The following UHRF2 variants were observed in gnomAD, a reference collection of about 807,000 sequenced individuals.
UHRF2 encodes ubiquitin like with PHD and ring finger domains 2.
A neutral mutation model predicts 96.8 loss-of-function variants in UHRF2; 23 were observed. That is an observed-to-expected ratio of 0.24 (90% CI 0.17 to 0.34). The LOEUF is 0.34. Ranked by LOEUF, UHRF2 falls within the 10% of genes least tolerant of loss-of-function variation. UHRF2 has a pLI of 1.00. For missense variants in UHRF2, 685 were observed against 981.5 expected (o/e 0.70, Z 4.04); for synonymous variants, 385 against 332.6 (o/e 1.16, Z -1.72).
rs998391240 is a variant in UHRF2 at position 6,446,792 on chromosome 9, C to G, written c.644+12619C>G. Among the ~76,000 whole-genome samples the G allele has an allele frequency of 2.0e-5, 3 of 151,954 alleles. 1 individual carries two copies. The highest frequency in any genetic ancestry group is 4.4e-5 in the Non-Finnish European group (3 of 67,988). On this transcript the variant is annotated intron_variant, in intron 3 of 15. Transcript: ENST00000276893. ...CCCAAGAAGTGGGGATTACAGTGAG[C>G]TGAAATGGCGCCACTGCACTCCAGC...
Position 6,475,483 on chromosome 9 carries a change from C to T in UHRF2, c.956C>T (p.Ala319Val), listed in dbSNP as rs1226844276. ...CCTGGAGCCCATCCCCTTTCATTTG[C>T]AGATGGAAAGTTTTTAAGTATGGAT... ...ERPGAHPLSF[A>V]DGKFLRRNDP... Residue 319 changes from alanine (A) to valine (V), a missense_variant, in exon 5 of 16, where the codon GCA becomes GTA. This residue lies in a region of UHRF2 where 391 missense variants were observed against 437.0 expected (regional missense o/e 0.89). Transcript: ENST00000276893. 7.6e-6 allele frequency: 12 copies of T among 1,588,000 alleles called. No homozygotes were observed. The highest frequency in any genetic ancestry group is 1.7e-5 in the Admixed American group (1 of 57,308).
At chr9:6,428,342 T>G (rs1272894746) in intron 2 of UHRF2, among the ~76,000 whole-genome samples, 2 of 152,054 alleles carry the variant, frequency 1.3e-5, no homozygotes, top group Non-Finnish European at 2.9e-5. Context: ...CTCCTCCTGA[T>G]TATAACTCCC....
chr9:6,494,352 T>G (rs1246835584), intron 10 of UHRF2: 1 of 169,096 alleles, frequency 5.9e-6, no homozygotes, highest in East Asian at 1.7e-4. Flanking sequence ...AAACATAAGG[T>G]AACTTAATCA....
At chr9:6,445,984 T>TGTTG (rs58693786) in intron 3 of UHRF2, among the ~76,000 whole-genome samples, 1 of 127,810 alleles carries the variant, frequency 7.8e-6, no homozygotes, top group Non-Finnish European at 1.6e-5. Flanking sequence ...CGCCACCCTT[T>TGTTG]TTTTTTTTTT....
chr9:6,476,487 C>T (rs1823578622), intron 5 of UHRF2, among the ~76,000 whole-genome samples: 1 of 152,166 alleles, frequency 6.6e-6, no homozygotes, highest in Non-Finnish European at 1.5e-5. Context: ...TAGAATGCAG[C>T]TGTACCTCTT....
chr9:6,431,684 A>G (rs570310902), intron 2 of UHRF2, among the ~76,000 whole-genome samples: 14 of 152,332 alleles, frequency 9.2e-5, no homozygotes, highest in South Asian at 8.3e-4. Flanking sequence ...TGTTCAAGCA[A>G]TGGCAGTATT....
At chr9:6,467,377 G>GT (rs1027591478) in intron 4 of UHRF2, among the ~76,000 whole-genome samples, 1 of 151,966 alleles carries the variant, frequency 6.6e-6, no homozygotes, top group African/African-American at 2.4e-5. Context: ...CCATTTCAAG[G>GT]TTTTTTATAT....
At chr9:6,477,190 C>T (rs1823628821) in intron 5 of UHRF2, among the ~76,000 whole-genome samples, 1 of 149,908 alleles carries the variant, frequency 6.7e-6, no homozygotes, top group South Asian at 2.1e-4. Flanking sequence ...CTAAGATTGG[C>T]ACCATTGCAC....
chr9:6,436,637 T>G (rs1266614227), intron 3 of UHRF2, among the ~76,000 whole-genome samples: 1 of 152,206 alleles, frequency 6.6e-6, no homozygotes, highest in Admixed American at 6.5e-5. Flanking sequence ...GAACTAAGGC[T>G]TATTAAATTT....
intron 4 of UHRF2, chr9:6,468,876 A>T (rs187953936): frequency 5.6e-6 from 2 of 357,120 alleles, no homozygotes; most frequent in East Asian, 1.5e-4. Flanking sequence ...GACTCAGCAT[A>T]GATGCTGATT....
chr9:6,422,664 C>T (rs1445605916), intron 2 of UHRF2: 2 of 649,012 alleles, frequency 3.1e-6, no homozygotes, highest in African/African-American at 1.8e-5. Flanking sequence ...GGCTGTAGTG[C>T]AGTGACGTGA....
intron 12 of UHRF2, 148 bp from the exon 13 acceptor site, chr9:6,499,687 T>G (rs1013032213): frequency 3.8e-4 from 187 of 486,100 alleles, no homozygotes; most frequent in Non-Finnish European, 6.4e-4. Context: ...ATTCTTTTCC[T>G]TTAAATGTCT....
chr9:6,506,396 T>C lies in UHRF2; in HGVS notation c.*217T>C. Reference sequence around the variant, plus strand: ...AGGTAGTTCCTGTAACAACTAGTTTTAATGAGTAAAAAGTCAAAGCCTCAG... The same window carrying C: ...AGGTAGTTCCTGTAACAACTAGTTTCAATGAGTAAAAAGTCAAAGCCTCAG... On this transcript the variant is annotated 3_prime_UTR_variant, in exon 16 of 16. Coordinates refer to ENST00000276893, the MANE Select transcript of UHRF2 (RefSeq NM_152896.3). 1 of 476,244 alleles carries C rather than the reference T, an allele frequency of 2.1e-6. No homozygotes were observed. Among genetic ancestry groups the C allele is most frequent in the Non-Finnish European group, 3.5e-6 (1 of 286,876 alleles). 29.5% of individuals were successfully genotyped at this position (476,244 alleles called of 1,614,324 possible).
At position 6,498,012 on chromosome 9, in the gene UHRF2, A is replaced by G. The variant is rs1361164549; in HGVS notation, c.1768-6A>G. On this transcript the variant is annotated splice_polypyrimidine_tract_variant and splice_region_variant and intron_variant, in intron 11 of 15. Transcript: ENST00000276893. The stretch of plus-strand genomic sequence containing the variant: ...CTCAAACTGGCACTGAAATATTGTG[A>G]TTTAGGTGGTGAAATACTGGCCAGA... 12 of 1,612,008 alleles carry G rather than the reference A, an allele frequency of 7.4e-6. No individual in the cohort carries two copies. The highest frequency in any genetic ancestry group is 1.0e-5 in the Non-Finnish European group (12 of 1,179,806).
At chr9:6,473,199 T>C (rs192516179) in intron 4 of UHRF2, among the ~76,000 whole-genome samples, 549 of 152,294 alleles carry the variant, frequency 3.6e-3, no homozygotes, top group South Asian at 8.3e-3. Context: ...GGGAGTCAAC[T>C]GGAAGCTCCC....
At chr9:6,480,651 T>G (rs1345648352) in intron 6 of UHRF2, among the ~76,000 whole-genome samples, 3 of 152,204 alleles carry the variant, frequency 2.0e-5, no homozygotes, top group Non-Finnish European at 4.4e-5. Context: ...TCACAGAATC[T>G]TTAATACAGT....
intron 8 of UHRF2, among the ~76,000 whole-genome samples, chr9:6,484,184 C>T (rs1824104900): frequency 6.6e-6 from 1 of 151,822 alleles, no homozygotes; most frequent in Non-Finnish European, 1.5e-5. Context: ...GATCATTCCA[C>T]CTAGCTAGGA....
In UHRF2 at chr9:6,413,368, G is replaced by A. The variant is rs1819400575; in HGVS notation, c.-123G>A. On this transcript the variant is annotated 5_prime_UTR_variant, in exon 1 of 16. Coordinates refer to ENST00000276893, the MANE Select transcript of UHRF2 (RefSeq NM_152896.3). ...GGCCCGGCGTCCGGTCGGTCCGGTG[G>A]GCGCGCTCGCCCGCCTGCCGCTGAG... 1 of 1,034,028 alleles carries A rather than the reference G, an allele frequency of 9.7e-7. No individual in the cohort carries two copies. The highest frequency in any genetic ancestry group is 4.8e-5 in the Admixed American group (1 of 20,768). The allele number at this position is 1,034,028 out of a possible 1,614,324, so 64.1% of individuals were successfully genotyped here. A position where few individuals can be genotyped will look rare whatever the true frequency, so the allele number is the denominator to read the frequency against.
At chr9:6,449,086 C>T (rs1293607100) in intron 3 of UHRF2, among the ~76,000 whole-genome samples, 1 of 152,176 alleles carries the variant, frequency 6.6e-6, no homozygotes, top group Non-Finnish European at 1.5e-5. Flanking sequence ...TATATGATTT[C>T]CATTGCAAAT....
Sources: gnomAD v4.1 joint callset for allele counts (sites outside exome capture counted in the v4.1 genomes callset) on GRCh38, gnomAD v4.1.1 for gene constraint, gnomAD v4.1.1 regional missense constraint, MANE v1.5 for transcripts, NCBI Gene and HGNC (gene_info 2026-07-23, HGNC 2026-07-21) for gene names.